The following CSMD1 variants were observed in gnomAD, a reference collection of about 807,000 sequenced individuals.
The protein encoded by CSMD1 is CUB and Sushi multiple domains 1, also known as CUB and sushi domain-containing protein 1.
In CSMD1, 213 loss-of-function variants were observed where a neutral mutation model predicts 417.5. That is an observed-to-expected ratio of 0.51 (90% CI 0.46 to 0.57). The LOEUF is 0.57. CSMD1 is among the 20% of genes least tolerant of loss of function. CSMD1 has a pLI of 0.00. For missense variants in CSMD1, 6,923 were observed against 4,529.7 expected (o/e 1.53, Z -15.17); for synonymous variants, 2,862 against 1,736.8 (o/e 1.65, Z -16.11).
At chr8:3,085,018 G>A (rs1257083906) in intron 49 of CSMD1, among the ~76,000 whole-genome samples, 2 of 151,964 alleles carry the variant, frequency 1.3e-5, no homozygotes, top group Non-Finnish European at 2.9e-5. Context: ...GTCTTGCACA[G>A]GAAATGAATT....
chr8:3,649,893 C>T (rs1797760545), intron 7 of CSMD1, among the ~76,000 whole-genome samples: 1 of 152,172 alleles, frequency 6.6e-6, no homozygotes, highest in Non-Finnish European at 1.5e-5. Flanking sequence ...TGAATACTAT[C>T]TAGCCCAGAG....
At chr8:4,229,799 C>G (rs990020500) in intron 3 of CSMD1, among the ~76,000 whole-genome samples, 1 of 152,138 alleles carries the variant, frequency 6.6e-6, no homozygotes, top group Non-Finnish European at 1.5e-5. Flanking sequence ...TCACTCCTTC[C>G]TTTTTTCCCT....
chr8:3,728,167 T>G (rs1802607203), intron 6 of CSMD1, among the ~76,000 whole-genome samples: 1 of 152,196 alleles, frequency 6.6e-6, no homozygotes, highest in Non-Finnish European at 1.5e-5. Context: ...ATGGGTGCTG[T>G]TGCCCCCATA....
intron 47 of CSMD1, 116 bp from the exon 48 acceptor site, chr8:3,091,778 A>C: frequency 2.5e-6 from 2 of 814,076 alleles, no homozygotes; most frequent in South Asian, 2.1e-5. Flanking sequence ...AGATATAATT[A>C]TTACAAAAGT....
At chr8:3,952,162 T>C (rs1436105777) in intron 5 of CSMD1, among the ~76,000 whole-genome samples, 1 of 152,148 alleles carries the variant, frequency 6.6e-6, no homozygotes, top group East Asian at 1.9e-4. Flanking sequence ...AAACCTTCAA[T>C]GGGACAGAGC....
At chr8:4,031,873 G>C (rs368567364) in intron 4 of CSMD1, 32 bp downstream of exon 4, 50 of 1,554,678 alleles carry the variant, frequency 3.2e-5, no homozygotes, top group Non-Finnish European at 4.4e-5. Context: ...CTGCCCTGGA[G>C]TCTGCTCACC....
At chr8:4,228,448 C>T (rs951490275) in intron 3 of CSMD1, among the ~76,000 whole-genome samples, 7 of 152,162 alleles carry the variant, frequency 4.6e-5, no homozygotes, top group Admixed American at 6.5e-5. Flanking sequence ...CATCTCAGGT[C>T]ACCTGAAAGC....
At chr8:3,992,700 C>A (rs1529322) in intron 5 of CSMD1, among the ~76,000 whole-genome samples, 1 of 152,146 alleles carries the variant, frequency 6.6e-6, no homozygotes, top group Non-Finnish European at 1.5e-5. Flanking sequence ...AGGATGGCTT[C>A]AGTCCAGGAG....
intron 4 of CSMD1, among the ~76,000 whole-genome samples, chr8:4,026,125 G>A (rs1159762536): frequency 6.6e-6 from 1 of 152,026 alleles, no homozygotes. Flanking sequence ...AGTCCATATG[G>A]TTGAAATTTA....
chr8:4,442,666 A>G (rs1270039334), intron 2 of CSMD1, among the ~76,000 whole-genome samples: 2 of 152,138 alleles, frequency 1.3e-5, no homozygotes, highest in Non-Finnish European at 2.9e-5. Flanking sequence ...AACTTCATTG[A>G]CTTTCCCTTA....
At chr8:4,761,873 AT>A (rs1363111318) in intron 1 of CSMD1, among the ~76,000 whole-genome samples, 274 of 92,336 alleles carry the variant, frequency 3.0e-3, no homozygotes, top group African/African-American at 6.3e-3. Context: ...CTATCTATCT[AT>A]CTATCTATCT....
chr8:4,042,461 G>A (rs909842961), intron 3 of CSMD1, among the ~76,000 whole-genome samples: 3 of 151,934 alleles, frequency 2.0e-5, no homozygotes, highest in Admixed American at 6.6e-5. Context: ...AAAATATTTT[G>A]CAATATCACA....
At chr8:3,673,097 A>C (rs985950025) in intron 7 of CSMD1, among the ~76,000 whole-genome samples, 23 of 152,200 alleles carry the variant, frequency 1.5e-4, no homozygotes, top group African/African-American at 3.9e-4. Flanking sequence ...ATGCTTACTG[A>C]GTTAATAATA....
rs1257814195 is a variant in CSMD1, at chr8:3,313,948, T to G, written c.3632-5445A>C. 1.4e-4 allele frequency among the ~76,000 whole-genome samples: 22 copies of G among 152,016 alleles called. 1 individual carries two copies. The highest frequency in any genetic ancestry group is 4.4e-4 in the African/African-American group (18 of 41,376). Reference sequence around the variant, plus strand: ...TGGAATACTATGCAGCCATAAAAAATGATGAGTTCATGTCCTTTGTAGGGA... The same window carrying G: ...TGGAATACTATGCAGCCATAAAAAAGGATGAGTTCATGTCCTTTGTAGGGA... On this transcript the variant is annotated intron_variant, in intron 23 of 69. Coordinates refer to ENST00000635120, the MANE Select transcript of CSMD1 (RefSeq NM_033225.6).
At chr8:4,012,362 T>A (rs112594809) in intron 4 of CSMD1, among the ~76,000 whole-genome samples, 1 of 152,196 alleles carries the variant, frequency 6.6e-6, no homozygotes, top group Non-Finnish European at 1.5e-5. Flanking sequence ...TCTTCCTAAA[T>A]ACATTCATTC....
intron 3 of CSMD1, among the ~76,000 whole-genome samples, chr8:4,184,246 C>T (rs1394971022): frequency 6.6e-6 from 1 of 152,166 alleles, no homozygotes; most frequent in Non-Finnish European, 1.5e-5. Flanking sequence ...ATTTATTTAG[C>T]ATTCAGCACA....
chr8:4,443,878 C>A (rs1287912142), intron 2 of CSMD1, among the ~76,000 whole-genome samples: 5 of 152,128 alleles, frequency 3.3e-5, no homozygotes. Context: ...AAACACTCAG[C>A]TATGTTTTCA....
At chr8:2,980,301 C>T (rs1380366472) in intron 54 of CSMD1, among the ~76,000 whole-genome samples, 1 of 151,716 alleles carries the variant, frequency 6.6e-6, no homozygotes, top group Non-Finnish European at 1.5e-5. Flanking sequence ...CCAGATTGAG[C>T]TGATGCCACC....
At chr8:3,130,348 C>G (rs557890094) in intron 41 of CSMD1, among the ~76,000 whole-genome samples, 4 of 152,148 alleles carry the variant, frequency 2.6e-5, no homozygotes, top group Non-Finnish European at 2.9e-5. Flanking sequence ...TACAGCCAGA[C>G]GAGGCGATGC....
Sources: allele counts gnomAD v4.1 joint callset (sites outside exome capture counted in the v4.1 genomes callset), GRCh38; gene constraint gnomAD v4.1.1; transcripts MANE v1.5; gene names NCBI Gene and HGNC (gene_info 2026-07-23, HGNC 2026-07-21).